NCAM2: variants seen among roughly 807,000 people sequenced by gnomAD.
NCAM2 encodes the protein neural cell adhesion molecule 2.
In NCAM2, 30 loss-of-function variants were observed where a neutral mutation model predicts 98.1. The ratio of observed to expected loss-of-function variants is 0.31; its 90% CI spans 0.23 to 0.41. The LOEUF (loss-of-function observed/expected upper bound fraction) is 0.41, where lower values mean the gene tolerates loss of function less well. Among genes scored for constraint, NCAM2 ranks in the 10% least tolerant of loss-of-function variants. The pLI, the probability that NCAM2 is intolerant of heterozygous loss-of-function variation, is 1.00. For synonymous variants in NCAM2, 368 were observed against 342.4 expected (o/e 1.07, Z -0.83); for missense variants, 867 against 1,005.8 (o/e 0.86, Z 1.87).
intron 1 of NCAM2, chr21:21,147,299 TA>T (rs71656215): frequency 6.2e-6 from 6 of 968,594 alleles, no homozygotes; most frequent in Admixed American, 6.2e-5. Flanking sequence ...TACAACATGC[TA>T]AAAAAAAGAC....
At chr21:21,333,586 A>G (rs1017759097) in intron 6 of NCAM2, among the ~76,000 whole-genome samples, 2 of 152,162 alleles carry the variant, frequency 1.3e-5, no homozygotes, top group East Asian at 3.9e-4. Context: ...TAGAAAGAAC[A>G]TTGGAACTTA....
rs2063986893 is a variant in NCAM2, at chr21:20,999,836, TC to T, written c.55+1219del. 3.9e-5 allele frequency among the ~76,000 whole-genome samples: 6 copies of T among 152,336 alleles called. No homozygotes were observed. In the South Asian group the frequency reaches 1.2e-3, roughly 32 times the overall value. On this transcript the variant is annotated intron_variant, in intron 1 of 17. Coordinates refer to ENST00000400546, the MANE Select transcript of NCAM2 (RefSeq NM_004540.5). The stretch of plus-strand genomic sequence containing the variant: ...TTCCACAGAGTCCTTCTATCATTCT[TC>T]AGCAGGGCTTGACATTTTGGATGTG...
intron 4 of NCAM2, among the ~76,000 whole-genome samples, chr21:21,287,564 G>C (rs926007314): frequency 2.6e-5 from 4 of 151,770 alleles, no homozygotes; most frequent in African/African-American, 9.7e-5. Flanking sequence ...CTTTTGTAAC[G>C]GTGGAATGAC....
chr21:21,147,093 T>C, intron 1 of NCAM2: 1 of 961,566 alleles, frequency 1.0e-6, no homozygotes, highest in Non-Finnish European at 1.2e-6. Context: ...TGCCTTCTAC[T>C]CCGGAACTCA....
rs2070569045 is a variant in NCAM2, at chr21:21,230,294, A to G, written c.56-50284A>G. 2.0e-5 allele frequency among the ~76,000 whole-genome samples: 3 copies of G among 151,366 alleles called. No homozygotes were observed. In the Admixed American group the frequency reaches 2.0e-4, roughly 10 times the overall value. On this transcript the variant is annotated intron_variant, in intron 1 of 17. Transcript: ENST00000400546. ...TCCATATTCTTCTTTTAAGTTTTTT[A>G]AAAATCATTGTCTCACTTTTTTTTG...
intron 5 of NCAM2, among the ~76,000 whole-genome samples, chr21:21,318,205 A>C (rs1302787936): frequency 6.6e-6 from 1 of 152,212 alleles, no homozygotes; most frequent in Non-Finnish European, 1.5e-5. Context: ...ATATACGCTG[A>C]AAGAATATAA....
intron 15 of NCAM2, among the ~76,000 whole-genome samples, chr21:21,493,634 C>T (rs1027515107): frequency 1.3e-5 from 2 of 151,872 alleles, no homozygotes; most frequent in South Asian, 4.1e-4. Context: ...TAATAATGAC[C>T]TGTATCCACC....
rs372189468 is a variant in NCAM2 at position 21,534,593 on chromosome 21, C to T, written c.2339C>T (p.Thr780Ile). ...ATGAGAACAGAGGATGAAAGAGTTA[C>T]TAATCACGAAGATGGGAGCCCAGTA... The part of the protein sequence containing the change: ...VEMRTEDERV[T>I]NHEDGSPVNE... Residue 780 changes from threonine to isoleucine, a missense_variant, in exon 17 of 18, where the codon ACT becomes ATT. By Grantham distance (89) the Thr-to-Ile change is moderately conservative. Coordinates refer to ENST00000400546, the MANE Select transcript of NCAM2 (RefSeq NM_004540.5). 1.2e-6 allele frequency: 2 copies of T among 1,608,104 alleles called. No individual in the cohort carries two copies. The highest frequency in any genetic ancestry group is 1.7e-6 in the Non-Finnish European group (2 of 1,175,612).
chr21:21,098,290 A>C (rs2066166274), intron 1 of NCAM2, among the ~76,000 whole-genome samples: 1 of 151,694 alleles, frequency 6.6e-6, no homozygotes, highest in African/African-American at 2.4e-5. Flanking sequence ...GTAAACCCAA[A>C]TTTAAAGATA....
chr21:21,028,174 G>C (rs544271542), intron 1 of NCAM2, among the ~76,000 whole-genome samples: 5 of 152,202 alleles, frequency 3.3e-5, no homozygotes, highest in African/African-American at 1.2e-4. Flanking sequence ...TGTTTCTTAA[G>C]TTTTAAGAGT....
intron 2 of NCAM2, 143 bp downstream of exon 2, chr21:21,280,795 T>C: frequency 1.7e-6 from 1 of 575,060 alleles, no homozygotes; most frequent in Non-Finnish European, 2.9e-6. Flanking sequence ...GTTTTTGTTG[T>C]TTTTGAGACA....
At chr21:21,317,610 A>G (rs1292138360) in intron 5 of NCAM2, among the ~76,000 whole-genome samples, 1 of 152,024 alleles carries the variant, frequency 6.6e-6, no homozygotes, top group Non-Finnish European at 1.5e-5. Flanking sequence ...ACAGGTCACT[A>G]CAACCTCGAC....
intron 1 of NCAM2, among the ~76,000 whole-genome samples, chr21:21,014,104 A>G (rs2146150674): frequency 6.6e-6 from 1 of 152,324 alleles, no homozygotes; most frequent in East Asian, 1.9e-4. Flanking sequence ...CTGGTGACTA[A>G]GCTGAAGGCA....
chr21:21,385,742 C>T (rs1177367924), intron 9 of NCAM2: 9 of 942,272 alleles, frequency 9.6e-6, no homozygotes, highest in Non-Finnish European at 1.3e-5. Context: ...CAGTTTAATG[C>T]AGTAAGCACT....
At chr21:21,300,942 T>C (rs2073689915) in intron 5 of NCAM2, among the ~76,000 whole-genome samples, 2 of 152,078 alleles carry the variant, frequency 1.3e-5, no homozygotes, top group African/African-American at 4.8e-5. Flanking sequence ...AGATTTAAAA[T>C]TTCAACATAT....
At chr21:21,436,581 C>A (rs1201067274) in intron 12 of NCAM2, among the ~76,000 whole-genome samples, 1 of 151,700 alleles carries the variant, frequency 6.6e-6, no homozygotes, top group Non-Finnish European at 1.5e-5. Context: ...CATGAGTGGA[C>A]CTCGTATGCC....
At chr21:21,216,132 A>C (rs531536493) in intron 1 of NCAM2, among the ~76,000 whole-genome samples, 10 of 152,278 alleles carry the variant, frequency 6.6e-5, no homozygotes, top group East Asian at 5.8e-4. Context: ...TAGTCAATAA[A>C]TAACTAGTGG....
intron 1 of NCAM2, among the ~76,000 whole-genome samples, chr21:21,194,591 C>T (rs1568750177): frequency 6.6e-6 from 1 of 152,050 alleles, no homozygotes; most frequent in South Asian, 2.1e-4. Context: ...TTACTGGTAG[C>T]TGTGGTATTA....
intron 5 of NCAM2, among the ~76,000 whole-genome samples, chr21:21,313,490 A>G (rs578122034): frequency 1.3e-5 from 2 of 151,656 alleles, no homozygotes; most frequent in South Asian, 2.1e-4. Context: ...TGAAACCTAC[A>G]TTTTCTGATA....
Sources: allele counts gnomAD v4.1 joint callset (sites outside exome capture counted in the v4.1 genomes callset), GRCh38; gene constraint gnomAD v4.1.1; transcripts MANE v1.5; gene names NCBI Gene and HGNC (gene_info 2026-07-23, HGNC 2026-07-21).